Variants in VAV1 observed in about 807,000 individuals in gnomAD.
VAV1 encodes the protein vav guanine nucleotide exchange factor 1.
VAV1 carries 33 observed loss-of-function variants against 128.1 expected under a neutral mutation model. The observed-to-expected ratio is 0.26, with a 90% CI of 0.20 to 0.34. The LOEUF (loss-of-function observed/expected upper bound fraction) is 0.34. Among genes scored for constraint, VAV1 ranks in the 10% least tolerant of loss-of-function variants. The pLI is 1.00. For synonymous variants in VAV1, 394 were observed against 409.8 expected (o/e 0.96, Z 0.47); for missense variants, 715 against 1,093.7 (o/e 0.65, Z 4.88).
chr19:6,794,961 G>C (rs561316851), intron 1 of VAV1, among the ~76,000 whole-genome samples: 1 of 152,262 alleles, frequency 6.6e-6, no homozygotes, highest in African/African-American at 2.4e-5. Context: ...ATGCTCAGTT[G>C]GGGCTATTGA....
chr19:6,799,984 G>T (rs933175952), intron 1 of VAV1, among the ~76,000 whole-genome samples: 1 of 151,760 alleles, frequency 6.6e-6, no homozygotes, highest in Non-Finnish European at 1.5e-5. Context: ...CGTATGATAG[G>T]TGCATGCTTA....
Position 6,821,869 on chromosome 19 carries a change from C to A in VAV1, c.449+10C>A. 6.2e-7 allele frequency: 1 copy of A among 1,614,092 alleles called. No individual in the cohort carries two copies. Reference sequence around the variant, plus strand: ...TGTCCGACCAGATCGAGTGAGTGCTCAGGCCTGTGGCCGCACAGCTCACTG... The same window carrying A: ...TGTCCGACCAGATCGAGTGAGTGCTAAGGCCTGTGGCCGCACAGCTCACTG... On this transcript the variant is annotated intron_variant, in intron 4 of 26. Transcript: ENST00000602142.
chr19:6,847,703 G>A (rs748005101), intron 22 of VAV1, among the ~76,000 whole-genome samples: 3 of 151,812 alleles, frequency 2.0e-5, no homozygotes, highest in Non-Finnish European at 2.9e-5. Flanking sequence ...GAAATGCCTG[G>A]TGAAGCCATC....
At chr19:6,795,027 G>A (rs976140161) in intron 1 of VAV1, among the ~76,000 whole-genome samples, 7 of 152,130 alleles carry the variant, frequency 4.6e-5, no homozygotes, top group African/African-American at 7.2e-5. Context: ...ACAACATGGC[G>A]ACCGGGTTTC....
At chr19:6,821,899 A>G (rs1282893595) in intron 4 of VAV1, 40 bp downstream of exon 4, 1 of 1,613,416 alleles carries the variant, frequency 6.2e-7, no homozygotes, top group Admixed American at 1.7e-5. Context: ...TCACTGGAGC[A>G]CCGTCCTGGG....
In VAV1 at chr19:6,836,546, A is replaced by T. The variant is rs1320553543; in HGVS notation, c.1892A>T (p.Glu631Val). Reference sequence around the variant, plus strand: ...GACATTGTGGAGCTCACGAAGGCTGAGGCTGAACAGAACTGGTGGGAGGTA... The same window carrying T: ...GACATTGTGGAGCTCACGAAGGCTGTGGCTGAACAGAACTGGTGGGAGGTA... ...PGDIVELTKA[E>V]AEQNWWEGRN... Residue 631 changes from glutamate to valine, a missense_variant, in exon 20 of 27, where the codon GAG becomes GTG. This residue lies in a region of VAV1 where 407 missense variants were observed against 580.6 expected (regional missense o/e 0.70). Transcript: ENST00000602142. 1.2e-6 allele frequency: 2 copies of T among 1,614,040 alleles called. No homozygotes were observed. The highest frequency in any genetic ancestry group is 2.7e-5 in the African/African-American group (2 of 74,986).
chr19:6,789,531 A>G (rs34152758), intron 1 of VAV1, among the ~76,000 whole-genome samples: 39,473 of 151,450 alleles, frequency 0.26, 6,130 homozygotes, highest in African/African-American at 0.44. Context: ...GATTTCAGGC[A>G]TGAGCCACCG....
chr19:6,810,317 G>A (rs1238802033), intron 1 of VAV1, among the ~76,000 whole-genome samples: 1 of 152,028 alleles, frequency 6.6e-6, no homozygotes, highest in Non-Finnish European at 1.5e-5. Flanking sequence ...GCAACAGAGT[G>A]AGACCCTGTC....
chr19:6,834,059 G>A (rs1015369879), intron 19 of VAV1, 106 bp downstream of exon 19: 28 of 1,504,898 alleles, frequency 1.9e-5, no homozygotes, highest in African/African-American at 1.4e-4. Context: ...ACATTGGGCC[G>A]GGTGCAATAG....
intron 1 of VAV1, among the ~76,000 whole-genome samples, chr19:6,792,330 G>A (rs1971035569): frequency 6.6e-6 from 1 of 151,742 alleles, no homozygotes; most frequent in African/African-American, 2.4e-5. Context: ...GGAGGTGGAT[G>A]AAAAGAGGAG....
Position 6,836,515 on chromosome 19 carries a change from C to T in VAV1, c.1861C>T (p.Pro621Ser), listed in dbSNP as rs749148436. ...CATTGGACCCTTTCTACGGCTCAAC[C>T]CTGGAGACATTGTGGAGCTCACGAA... is the stretch of plus-strand genomic sequence containing the variant. The part of the protein sequence containing the change: ...GAIGPFLRLN[P>S]GDIVELTKAE... Residue 621 changes from proline to serine, a missense_variant, in exon 20 of 27, where the codon CCT becomes TCT. Transcript: ENST00000602142. 1.9e-6 allele frequency: 3 copies of T among 1,613,896 alleles called. No individual in the cohort carries two copies. Among genetic ancestry groups the T allele is most frequent in the East Asian group, 2.2e-5 (1 of 44,870 alleles).
At position 6,820,568 on chromosome 19, in the gene VAV1, T is replaced by A; in HGVS notation, c.205-134T>A. ...GCACAACTTAATCTTTACCAGAAGA[T>A]AATTCAATTTCATGGAAGAGGGTCT... On this transcript the variant is annotated intron_variant, in intron 1 of 26. Coordinates refer to ENST00000602142, the MANE Select transcript of VAV1 (RefSeq NM_005428.4). The surrounding 1 kb of genome is among the most constrained non-coding windows in gnomAD (Gnocchi z 4.4). The A allele has an allele frequency of 1.5e-6, 1 of 681,546 alleles. No individual in the cohort carries two copies. Among genetic ancestry groups the A allele is most frequent in the Non-Finnish European group, 2.6e-6 (1 of 380,284 alleles). The allele number at this position is 681,546 out of a possible 1,614,324, so 42.2% of individuals were successfully genotyped here.
At chr19:6,783,818 G>A (rs549618025) in intron 1 of VAV1, among the ~76,000 whole-genome samples, 3 of 152,146 alleles carry the variant, frequency 2.0e-5, no homozygotes, top group East Asian at 3.9e-4. Flanking sequence ...ATTTAACTAC[G>A]AGGGAGACTA....
chr19:6,844,742 C>T (rs576658829), intron 22 of VAV1, among the ~76,000 whole-genome samples: 2 of 152,030 alleles, frequency 1.3e-5, no homozygotes, highest in East Asian at 3.9e-4. Context: ...GAGATGTGGT[C>T]AATGGGGTGG....
intron 21 of VAV1, among the ~76,000 whole-genome samples, chr19:6,841,119 T>G (rs1334255813): frequency 6.6e-6 from 1 of 152,040 alleles, no homozygotes; most frequent in Non-Finnish European, 1.5e-5. Flanking sequence ...TTCATCATGT[T>G]GCCCAGGCTG....
intron 25 of VAV1, 91 bp downstream of exon 25, chr19:6,853,170 G>A (rs1447791087): frequency 9.1e-7 from 1 of 1,099,100 alleles, no homozygotes; most frequent in Non-Finnish European, 1.3e-6. Context: ...CCTTCCAATG[G>A]CCTTGCAGAG....
chr19:6,848,967 TA>T (rs1304045132), intron 23 of VAV1, among the ~76,000 whole-genome samples: 2 of 151,846 alleles, frequency 1.3e-5, no homozygotes, highest in Non-Finnish European at 2.9e-5. Context: ...CTAATGTTTA[TA>T]TTTTTTGTAG....
rs1971804252 is a variant in VAV1 at position 6,822,098 on chromosome 19, G to GCCCTTGGAGTCTGAGGTCCCA, written c.450-110_450-90dup. 9.3e-7 allele frequency: 1 copy of GCCCTTGGAGTCTGAGGTCCCA among 1,074,972 alleles called. No individual in the cohort carries two copies. Among genetic ancestry groups the GCCCTTGGAGTCTGAGGTCCCA allele is most frequent in the Admixed American group, 2.2e-5 (1 of 46,132 alleles). The allele number at this position is 1,074,972 out of a possible 1,614,324, so 66.6% of individuals were successfully genotyped here. On this transcript the variant is annotated intron_variant, in intron 4 of 26. Coordinates refer to ENST00000602142, the MANE Select transcript of VAV1 (RefSeq NM_005428.4). The surrounding 1 kb of genome is among the most constrained non-coding windows in gnomAD (Gnocchi z 5.9). ...CCTGGAGCTTGGAGGGACATGGCCT[G>GCCCTTGGAGTCTGAGGTCCCA]CCCTTGGAGTCTGAGGTCCCACCCT...
chr19:6,784,493 CTT>C (rs10590205), intron 1 of VAV1, among the ~76,000 whole-genome samples: 104 of 138,000 alleles, frequency 7.5e-4, no homozygotes, highest in Admixed American at 2.4e-3. Flanking sequence ...CATTCTGTTC[CTT>C]TTTTTTTTTT....
Sources: allele counts gnomAD v4.1 joint callset (sites outside exome capture counted in the v4.1 genomes callset), GRCh38; gene constraint gnomAD v4.1.1; regional missense constraint gnomAD v4.1.1; non-coding constraint Gnocchi (gnomAD v3.1); transcripts MANE v1.5; gene names NCBI Gene and HGNC (gene_info 2026-07-23, HGNC 2026-07-21).